PABPC4L: variants seen among roughly 807,000 people sequenced by gnomAD.
PABPC4L encodes polyadenylate-binding protein 4-like.
For missense variants in PABPC4L, 452 were observed against 451.4 expected (o/e 1.00, Z -0.01); for synonymous variants, 169 against 164.1 (o/e 1.03, Z -0.23).
the PABPC4L span, among the ~76,000 whole-genome samples, chr4:134,116,806 A>T: frequency 6.6e-6 from 1 of 151,766 alleles, no homozygotes; most frequent in African/African-American, 2.4e-5. Flanking sequence ...AAATTTCAAT[A>T]GTTTTCCAGT....
At chr4:134,187,774 C>T in the PABPC4L span, among the ~76,000 whole-genome samples, 1 of 152,048 alleles carries the variant, frequency 6.6e-6, no homozygotes, top group South Asian at 2.1e-4. Context: ...CAGATTTCTT[C>T]TCTTTACTTG....
chr4:134,167,427 T>A, the PABPC4L span, among the ~76,000 whole-genome samples: 2 of 151,476 alleles, frequency 1.3e-5, no homozygotes, highest in Non-Finnish European at 2.9e-5. Context: ...ATAATAATAA[T>A]AAATAAATAA....
chr4:134,150,940 T>C, the PABPC4L span, among the ~76,000 whole-genome samples: 1 of 152,158 alleles, frequency 6.6e-6, no homozygotes, highest in African/African-American at 2.4e-5. Context: ...AAACGAAACA[T>C]GATACAGCCA....
the PABPC4L span, among the ~76,000 whole-genome samples, chr4:134,096,388 T>C: frequency 1.3e-5 from 2 of 151,990 alleles, no homozygotes; most frequent in East Asian, 1.9e-4. Flanking sequence ...TGCCTTAAGA[T>C]CAACATAGGC....
the PABPC4L span, among the ~76,000 whole-genome samples, chr4:134,011,988 C>T: frequency 6.6e-6 from 1 of 152,018 alleles, no homozygotes; most frequent in Non-Finnish European, 1.5e-5. Flanking sequence ...TACTCTCACT[C>T]TTCTTGTTAA....
At chr4:133,954,667 G>C in the PABPC4L span, among the ~76,000 whole-genome samples, 1 of 152,004 alleles carries the variant, frequency 6.6e-6, no homozygotes, top group South Asian at 2.1e-4. Flanking sequence ...TAGTCTCTGT[G>C]TTTGAGCTTT....
chr4:134,192,412 G>T (rs1399038706), downstream of PABPC4L, among the ~76,000 whole-genome samples: 1 of 152,044 alleles, frequency 6.6e-6, no homozygotes, highest in Non-Finnish European at 1.5e-5. Flanking sequence ...TCCTTGGCCT[G>T]AAGTTTTGTT....
chr4:134,004,075 G>T, the PABPC4L span, among the ~76,000 whole-genome samples: 878 of 151,878 alleles, frequency 5.8e-3, 3 homozygotes, highest in African/African-American at 0.02. Context: ...CTTGACACTG[G>T]TTTACGCAAT....
the PABPC4L span, among the ~76,000 whole-genome samples, chr4:134,175,284 G>T: frequency 6.6e-6 from 1 of 152,054 alleles, no homozygotes; most frequent in Non-Finnish European, 1.5e-5. Context: ...ACAGAAATAA[G>T]AATAAATAAT....
At chr4:134,179,074 A>G in the PABPC4L span, among the ~76,000 whole-genome samples, 1 of 152,116 alleles carries the variant, frequency 6.6e-6, no homozygotes, top group Non-Finnish European at 1.5e-5. Context: ...AAATAAGAAG[A>G]CAATCCTCAA....
the PABPC4L span, among the ~76,000 whole-genome samples, chr4:134,021,929 A>C: frequency 6.6e-6 from 1 of 152,122 alleles, no homozygotes; most frequent in African/African-American, 2.4e-5. Context: ...AAAATAAGCT[A>C]GACTTTCCTT....
At chr4:134,102,406 A>C in the PABPC4L span, among the ~76,000 whole-genome samples, 2 of 151,092 alleles carry the variant, frequency 1.3e-5, no homozygotes, top group African/African-American at 4.8e-5. Context: ...TAGGACATTA[A>C]AAAAAAATGT....
At chr4:133,969,399 A>C in the PABPC4L span, among the ~76,000 whole-genome samples, 4 of 134,248 alleles carry the variant, frequency 3.0e-5, no homozygotes, top group Non-Finnish European at 6.5e-5. Flanking sequence ...CTCTGGTGGA[A>C]GCAGGCCTGT....
chr4:134,185,346 A>C, the PABPC4L span, among the ~76,000 whole-genome samples: 2 of 152,122 alleles, frequency 1.3e-5, no homozygotes, highest in South Asian at 4.1e-4. Context: ...ACCACAATCA[A>C]CTTGGCTTCA....
the PABPC4L span, among the ~76,000 whole-genome samples, chr4:133,997,064 C>T: frequency 6.6e-6 from 1 of 152,150 alleles, no homozygotes; most frequent in Non-Finnish European, 1.5e-5. Context: ...GCTTTCCAAG[C>T]ATCTTTCCTA....
the PABPC4L span, among the ~76,000 whole-genome samples, chr4:134,126,572 T>C: frequency 6.7e-6 from 1 of 148,824 alleles, no homozygotes; most frequent in Non-Finnish European, 1.5e-5. Context: ...TCTGGTCACA[T>C]CAGTCACATT....
the PABPC4L span, among the ~76,000 whole-genome samples, chr4:134,054,676 G>C: frequency 6.6e-6 from 1 of 151,848 alleles, no homozygotes; most frequent in Non-Finnish European, 1.5e-5. Flanking sequence ...TTTTCACCAA[G>C]TATAATGCCT....
At chr4:133,956,870 G>A in the PABPC4L span, among the ~76,000 whole-genome samples, 2 of 152,104 alleles carry the variant, frequency 1.3e-5, no homozygotes, top group Non-Finnish European at 2.9e-5. Flanking sequence ...GAGATCTTGT[G>A]AAAACTCATT....
chr4:134,067,901 G>A, the PABPC4L span, among the ~76,000 whole-genome samples: 3 of 152,020 alleles, frequency 2.0e-5, no homozygotes, highest in African/African-American at 7.2e-5. Flanking sequence ...TAGTTTTTAT[G>A]AGTTTGGGTT....
Sources: gnomAD v4.1 joint callset for allele counts (sites outside exome capture counted in the v4.1 genomes callset) on GRCh38, gnomAD v4.1.1 for gene constraint, MANE v1.5 for transcripts, NCBI Gene and HGNC (gene_info 2026-07-23, HGNC 2026-07-21) for gene names.